The following DCHS2 variants were observed in gnomAD, a reference collection of about 807,000 sequenced individuals.
DCHS2 encodes the protein dachsous cadherin-related 2.
A neutral mutation model predicts 182.4 loss-of-function variants in DCHS2; 142 were observed. The ratio of observed to expected loss-of-function variants is 0.78; its 90% CI spans 0.68 to 0.89. DCHS2 has a LOEUF of 0.89. Among genes scored for constraint, DCHS2 ranks in the 40% least tolerant of loss-of-function variants. The pLI is 0.00. For missense variants in DCHS2, 4,319 were observed against 4,198.6 expected (o/e 1.03, Z -0.79); for synonymous variants, 1,740 against 1,663.3 (o/e 1.05, Z -1.12).
At chr4:154,393,077 T>C (rs1731777658) in intron 1 of DCHS2, among the ~76,000 whole-genome samples, 1 of 152,212 alleles carries the variant, frequency 6.6e-6, no homozygotes, top group South Asian at 2.1e-4. Context: ...TCATATTATA[T>C]TTTTAAGTAG....
intron 1 of DCHS2, among the ~76,000 whole-genome samples, chr4:154,432,934 T>TATA (rs982839812): frequency 3.3e-5 from 5 of 152,130 alleles, no homozygotes; most frequent in African/African-American, 1.2e-4. Flanking sequence ...TCTCTCTCTA[T>TATA]ATATATACAC....
intron 1 of DCHS2, 147 bp from the exon 2 acceptor site, chr4:154,377,591 G>C: frequency 1.7e-6 from 1 of 597,138 alleles, no homozygotes; most frequent in Non-Finnish European, 2.8e-6. Flanking sequence ...CTCTCTCCTC[G>C]CTTACCTTCT....
chr4:154,248,505 G>T (rs972115617), intron 16 of DCHS2, among the ~76,000 whole-genome samples: 1 of 151,970 alleles, frequency 6.6e-6, no homozygotes, highest in Non-Finnish European at 1.5e-5. Context: ...TACACTATTT[G>T]ATTTTTTTAA....
chr4:154,348,466 C>A (rs1482724524), intron 3 of DCHS2, among the ~76,000 whole-genome samples: 1 of 151,846 alleles, frequency 6.6e-6, no homozygotes, highest in Non-Finnish European at 1.5e-5. Context: ...TGGATCATGT[C>A]TCACCAAATT....
chr4:154,279,729 A>C (rs1056894884), intron 13 of DCHS2, among the ~76,000 whole-genome samples: 3 of 152,034 alleles, frequency 2.0e-5, no homozygotes, highest in African/African-American at 7.2e-5. Context: ...CAATGATAGT[A>C]ATACTAAGAG....
At chr4:154,263,671 T>A (rs1733092264) in intron 14 of DCHS2, among the ~76,000 whole-genome samples, 1 of 142,610 alleles carries the variant, frequency 7.0e-6, no homozygotes, top group Admixed American at 7.1e-5. Flanking sequence ...ATATTCCAAA[T>A]CAGTGGCCAT....
chr4:154,310,125 C>G (rs1166983837), intron 10 of DCHS2, among the ~76,000 whole-genome samples: 2 of 152,146 alleles, frequency 1.3e-5, no homozygotes, highest in Non-Finnish European at 2.9e-5. Context: ...CAACATAACT[C>G]AGGTAGCCAA....
At chr4:154,459,734 T>TTCTCTCTCTCTC (rs60259256) in intron 1 of DCHS2, among the ~76,000 whole-genome samples, 5 of 135,260 alleles carry the variant, frequency 3.7e-5, no homozygotes, top group African/African-American at 1.5e-4. Context: ...TATCTACACA[T>TTCTCTCTCTCTC]TCTCTCTCTC....
At chr4:154,413,650 G>A (rs1403756055) in intron 1 of DCHS2, among the ~76,000 whole-genome samples, 5 of 152,172 alleles carry the variant, frequency 3.3e-5, no homozygotes, top group African/African-American at 1.2e-4. Flanking sequence ...GGGGGAGCCA[G>A]TGAGTTTGGG....
Position 154,298,089 on chromosome 4 carries a change from A to G in DCHS2, c.6225T>C (p.Phe2075=), listed in dbSNP as rs769347609. The part of the protein sequence containing the change: ...LDLGPNGTVV[F]SFAETQSMFS... ...ACATTGACTGGGTCTCTGCAAAACTAAAAACCACAGTTCCATTGGGCCCCA... is the reference window on the plus strand; with the variant it reads ...ACATTGACTGGGTCTCTGCAAAACTGAAAACCACAGTTCCATTGGGCCCCA... Residue 2075 remains phenylalanine (F), a synonymous_variant, in exon 13 of 20, where the codon TTT becomes TTC. Coordinates refer to ENST00000357232, the MANE Select transcript of DCHS2 (RefSeq NM_001358235.2). The G allele has an allele frequency of 5.6e-6, 9 of 1,613,992 alleles. No individual in the cohort carries two copies. The highest frequency in any genetic ancestry group is 6.8e-6 in the Non-Finnish European group (8 of 1,180,018).
Position 154,395,494 on chromosome 4 carries a change from G to A in DCHS2, c.2053-18050C>T, listed in dbSNP as rs116277911. Among the ~76,000 whole-genome samples, 1,214 of 152,158 alleles carry A rather than the reference G, an allele frequency of 8.0e-3. 6 individuals are homozygous for A. The highest frequency in any genetic ancestry group is 0.013 in the Non-Finnish European group (899 of 68,008). ...ATCCTCCTATCTCCTGGATTGCTCC[G>A]CCATCACACTTGTGATCTGCCTCCT... On this transcript the variant is annotated intron_variant, in intron 1 of 19. Transcript: ENST00000357232.
At chr4:154,313,887 T>G (rs1403439858) in intron 10 of DCHS2, among the ~76,000 whole-genome samples, 1 of 152,178 alleles carries the variant, frequency 6.6e-6, no homozygotes, top group Non-Finnish European at 1.5e-5. Flanking sequence ...CATACCATAA[T>G]CTCTAGAATA....
intron 1 of DCHS2, among the ~76,000 whole-genome samples, chr4:154,382,902 G>C (rs1008973782): frequency 2.0e-5 from 3 of 152,166 alleles, no homozygotes; most frequent in African/African-American, 7.2e-5. Flanking sequence ...CTCTTGGTGA[G>C]AATGCAAATT....
intron 1 of DCHS2, among the ~76,000 whole-genome samples, chr4:154,450,756 G>A (rs758182006): frequency 1.4e-4 from 21 of 151,960 alleles, no homozygotes; most frequent in African/African-American, 3.6e-4. Context: ...TCACTTGAAC[G>A]CGGAAGGCAG....
intron 1 of DCHS2, among the ~76,000 whole-genome samples, chr4:154,483,782 A>G (rs538825673): frequency 2.1e-4 from 32 of 152,256 alleles, no homozygotes; most frequent in Non-Finnish European, 4.6e-4. Context: ...TAGCATTATC[A>G]TCACAGAGAC....
intron 5 of DCHS2, chr4:154,331,758 C>T: frequency 6.3e-7 from 1 of 1,575,990 alleles, no homozygotes; most frequent in Non-Finnish European, 8.6e-7. Flanking sequence ...AGCTCCATGA[C>T]TTTGGGTGTA....
At chr4:154,473,522 C>CT (rs11425140) in intron 1 of DCHS2, among the ~76,000 whole-genome samples, 139,475 of 152,186 alleles carry the variant, frequency 0.92, 65,159 homozygotes, top group East Asian at 1. Flanking sequence ...TTTTTTGGTG[C>CT]GCCTTGCCCA....
chr4:154,236,452 T>C lies in DCHS2; in HGVS notation c.8200A>G (p.Thr2734Ala), dbSNP rs1339353966. 3 of 1,613,922 alleles carry C rather than the reference T, an allele frequency of 1.9e-6. No individual in the cohort carries two copies. The highest frequency in any genetic ancestry group is 2.5e-6 in the Non-Finnish European group (3 of 1,179,966). The change falls in exon 20 of 20, where the codon ACA (threonine) becomes GCA (alanine). Residue 2734 changes from threonine (T) to alanine (A), a missense_variant. Thr to Ala is a moderately conservative substitution (Grantham distance 58). Transcript: ENST00000357232. ...GCTTGGACAGTTAAGGTGAATTTTGTCATTTTTTCATAATCCAGAGGTTTA... is the reference window on the plus strand; with the variant it reads ...GCTTGGACAGTTAAGGTGAATTTTGCCATTTTTTCATAATCCAGAGGTTTA... ...LIKPLDYEKM[T>A]KFTLTVQASD...
In DCHS2 at chr4:154,235,829, A is replaced by G. The variant is rs751064423; in HGVS notation, c.8823T>C (p.Leu2941=). Residue 2941 remains leucine (L), a synonymous_variant, in exon 20 of 20, where the codon CTT becomes CTC. Coordinates refer to ENST00000357232, the MANE Select transcript of DCHS2 (RefSeq NM_001358235.2). ...TGTTGAGTTGACTTTTTATTAGGGG[A>G]AGGGCTCTAATCAAATAAATATTTC... The part of the protein sequence containing the change: ...TNGNIYLIRA[L]PLIKSQLNKE... The G allele has an allele frequency of 6.2e-7, 1 of 1,613,860 alleles. No homozygotes were observed.
Sources: gnomAD v4.1 joint callset for allele counts (sites outside exome capture counted in the v4.1 genomes callset) on GRCh38, gnomAD v4.1.1 for gene constraint, MANE v1.5 for transcripts, NCBI Gene and HGNC (gene_info 2026-07-23, HGNC 2026-07-21) for gene names.